The following APOBEC1 variants were observed in gnomAD, a reference collection of about 807,000 sequenced individuals.
The protein encoded by APOBEC1 is apolipoprotein B mRNA editing enzyme catalytic subunit 1.
In APOBEC1, 22 loss-of-function variants were observed where a neutral mutation model predicts 26.3. The observed-to-expected ratio is 0.84, with a 90% CI of 0.60 to 1.19. The LOEUF (loss-of-function observed/expected upper bound fraction) is 1.19. APOBEC1 is among the 50% of genes most tolerant of loss of function. The probability of loss-of-function intolerance (pLI) is 0.00; values close to 1 mark genes in which losing one functional copy is unlikely to be tolerated. For missense variants in APOBEC1, 253 were observed against 289.0 expected (o/e 0.88, Z 0.90); for synonymous variants, 77 against 95.3 (o/e 0.81, Z 1.12).
Position 7,651,003 on chromosome 12 carries a change from G to T in APOBEC1, c.561+20C>A, listed in dbSNP as rs778310856. 2.8e-5 allele frequency: 43 copies of T among 1,529,996 alleles called. No individual in the cohort carries two copies. The highest frequency in any genetic ancestry group is 1.8e-4 in the Admixed American group (10 of 56,322). 94.8% of individuals were successfully genotyped at this position (1,529,996 alleles called of 1,614,324 possible). ...GATGCTTCTTTTTGCATCAACATTT[G>T]TGTCCCTAAAGTGACTTACTAGAAT... On this transcript the variant is annotated intron_variant, in intron 4 of 4. Coordinates refer to ENST00000229304, the MANE Select transcript of APOBEC1 (RefSeq NM_001644.5).
intron 1 of APOBEC1, among the ~76,000 whole-genome samples, chr12:7,657,043 C>CGT (rs6144603): frequency 0.047 from 6,945 of 148,676 alleles, 182 homozygotes; most frequent in African/African-American, 0.061. Context: ...GTTGTATATA[C>CGT]GTGTGTGTGT....
chr12:7,654,348 T>C (rs1863684721), intron 2 of APOBEC1, among the ~76,000 whole-genome samples: 1 of 142,830 alleles, frequency 7.0e-6, no homozygotes, highest in Non-Finnish European at 1.5e-5. Flanking sequence ...AAAGGAACAA[T>C]AAAGAAAGCT....
At chr12:7,669,437 G>A (rs1406767118), upstream of APOBEC1, among the ~76,000 whole-genome samples, 1 of 152,120 alleles carries the variant, frequency 6.6e-6, no homozygotes, top group Non-Finnish European at 1.5e-5. Flanking sequence ...AGGCTTTCAT[G>A]AATAAAGCTG....
At chr12:7,652,387 A>T in intron 3 of APOBEC1, 51 bp downstream of exon 3, 2 of 1,519,234 alleles carry the variant, frequency 1.3e-6, no homozygotes, top group Non-Finnish European at 1.8e-6. Context: ...AACAGCTACT[A>T]TCACCACAGT....
At chr12:7,654,500 C>T in intron 2 of APOBEC1, 105 bp downstream of exon 2, 1 of 1,208,938 alleles carries the variant, frequency 8.3e-7, no homozygotes, top group South Asian at 1.2e-5. Context: ...GCCTCAGCCT[C>T]CTGAGTAGCT....
intron 1 of APOBEC1, among the ~76,000 whole-genome samples, chr12:7,657,840 C>T (rs765009837): frequency 1.3e-5 from 2 of 152,080 alleles, no homozygotes; most frequent in Admixed American, 6.6e-5. Context: ...CATGCCACTG[C>T]ACTCCAGCAG....
intron 4 of APOBEC1, 81 bp from the exon 5 acceptor site, chr12:7,649,777 G>T: frequency 4.5e-6 from 5 of 1,119,122 alleles, no homozygotes; most frequent in South Asian, 3.1e-5. Flanking sequence ...ATTTAAAAAT[G>T]TCAGTTGGAA....
At chr12:7,666,009 G>T, upstream of APOBEC1, 2 of 893,008 alleles carry the variant, frequency 2.2e-6, no homozygotes, top group Non-Finnish European at 3.8e-6. Flanking sequence ...GCAGTTATGG[G>T]AATCTGAGCT....
intron 1 of APOBEC1, among the ~76,000 whole-genome samples, chr12:7,658,920 T>C (rs1270111773): frequency 2.2e-5 from 3 of 138,234 alleles, no homozygotes; most frequent in Non-Finnish European, 4.6e-5. Flanking sequence ...GCCGTTGCAC[T>C]CCAGCCTGGG....
chr12:7,670,108 C>T (rs1045450232), upstream of APOBEC1, among the ~76,000 whole-genome samples: 1 of 140,814 alleles, frequency 7.1e-6, no homozygotes, highest in East Asian at 2.1e-4. Context: ...CACAGTCTCC[C>T]GAGTAGCTGG....
At chr12:7,660,119 A>G (rs1863783945) in intron 1 of APOBEC1, among the ~76,000 whole-genome samples, 1 of 151,750 alleles carries the variant, frequency 6.6e-6, no homozygotes, top group African/African-American at 2.4e-5. Context: ...CCTGGGCAAC[A>G]TGGTGAAACC....
intron 1 of APOBEC1, among the ~76,000 whole-genome samples, chr12:7,662,096 AAAACC>A (rs59095645): frequency 0.86 from 129,564 of 151,368 alleles, 57,057 homozygotes; most frequent in Middle Eastern, 0.98. Context: ...AAAACAAAAC[AAAACC>A]AAACCTTTTT....
intron 1 of APOBEC1, among the ~76,000 whole-genome samples, chr12:7,658,546 C>G (rs1183395683): frequency 6.6e-6 from 1 of 152,142 alleles, no homozygotes; most frequent in Non-Finnish European, 1.5e-5. Flanking sequence ...CAGATGGTCT[C>G]AGAGTCAGTG....
chr12:7,653,444 G>A (rs1421761054), intron 2 of APOBEC1, among the ~76,000 whole-genome samples: 1 of 148,826 alleles, frequency 6.7e-6, no homozygotes, highest in Non-Finnish European at 1.5e-5. Context: ...AGGTGTAAGC[G>A]TGTCTTTGTT....
chr12:7,662,454 G>A (rs758319347), intron 1 of APOBEC1, among the ~76,000 whole-genome samples: 2 of 151,978 alleles, frequency 1.3e-5, no homozygotes, highest in South Asian at 2.1e-4. Context: ...ATGTTGGCAC[G>A]TGCCTGTAAT....
At chr12:7,661,487 T>TGATAGATA (rs60705558) in intron 1 of APOBEC1, among the ~76,000 whole-genome samples, 199 of 151,046 alleles carry the variant, frequency 1.3e-3, no homozygotes, top group African/African-American at 2.4e-3. Context: ...TGATGACAGA[T>TGATAGATA]GATAGATAGA....
intron 4 of APOBEC1, among the ~76,000 whole-genome samples, chr12:7,650,244 T>C (rs1044110042): frequency 2.0e-5 from 3 of 152,048 alleles, no homozygotes; most frequent in African/African-American, 7.2e-5. Flanking sequence ...ACAAGAACAA[T>C]AATAATGATA....
chr12:7,655,102 G>A (rs369333638), intron 1 of APOBEC1, among the ~76,000 whole-genome samples: 1 of 152,110 alleles, frequency 6.6e-6, no homozygotes, highest in African/African-American at 2.4e-5. Context: ...CCAGCTACTC[G>A]GGTGGCTGAG....
rs770893139 is a variant in APOBEC1, at chr12:7,661,518, T to C, written c.16+4339A>G. On this transcript the variant is annotated intron_variant, in intron 1 of 4. Coordinates refer to ENST00000229304, the MANE Select transcript of APOBEC1 (RefSeq NM_001644.5). ...ATAGATAGATAGATAGATAGATAGA[T>C]AGATAGATATCTCTTTATAATTGTA... 2.5e-4 allele frequency among the ~76,000 whole-genome samples: 37 copies of C among 150,432 alleles called. No individual in the cohort carries two copies. In the South Asian group the frequency reaches 7.2e-3, roughly 29 times the overall value.
Sources: allele counts gnomAD v4.1 joint callset (sites outside exome capture counted in the v4.1 genomes callset), GRCh38; gene constraint gnomAD v4.1.1; transcripts MANE v1.5; gene names NCBI Gene and HGNC (gene_info 2026-07-23, HGNC 2026-07-21).